The following RBFOX1 variants were observed in gnomAD, a reference collection of about 807,000 sequenced individuals.
RBFOX1 encodes the protein RNA binding protein fox-1 homolog 1.
A neutral mutation model predicts 57.7 loss-of-function variants in RBFOX1; 8 were observed. The observed-to-expected ratio is 0.14, with a 90% CI of 0.08 to 0.25. RBFOX1 has a LOEUF of 0.25. Among genes scored for constraint, RBFOX1 ranks in the 10% least tolerant of loss-of-function variants. The pLI, the probability that RBFOX1 is intolerant of heterozygous loss-of-function variation, is 1.00. For synonymous variants in RBFOX1, 326 were observed against 222.4 expected, an observed-to-expected ratio of 1.47 and a Z score of -4.15; for missense variants, 611 against 548.5, an observed-to-expected ratio of 1.11 and a Z score of -1.14.
intron 2 of RBFOX1, among the ~76,000 whole-genome samples, chr16:6,633,832 G>T (rs1602122387): frequency 6.6e-6 from 1 of 152,186 alleles, no homozygotes; most frequent in East Asian, 1.9e-4. Flanking sequence ...AACACGGAAA[G>T]ATGTATCTCT....
At chr16:5,614,702 C>G (rs1267609764) in intron 3 of RBFOX1, among the ~76,000 whole-genome samples, 1 of 152,194 alleles carries the variant, frequency 6.6e-6, no homozygotes, top group Non-Finnish European at 1.5e-5. Context: ...ATATCTTGTA[C>G]TAGCAGGAAG....
At chr16:5,406,953 A>G (rs2066884647) in intron 1 of RBFOX1, among the ~76,000 whole-genome samples, 1 of 152,148 alleles carries the variant, frequency 6.6e-6, no homozygotes, top group Non-Finnish European at 1.5e-5. Context: ...TTCCCTGAGG[A>G]AGTGACATTT....
intron 3 of RBFOX1, among the ~76,000 whole-genome samples, chr16:6,880,589 C>A (rs904678847): frequency 6.6e-6 from 1 of 152,058 alleles, no homozygotes; most frequent in Non-Finnish European, 1.5e-5. Context: ...GTTTTTCTTT[C>A]TGGACTGTCT....
At chr16:6,682,615 C>A (rs1480213971) in intron 3 of RBFOX1, among the ~76,000 whole-genome samples, 1 of 151,892 alleles carries the variant, frequency 6.6e-6, no homozygotes. Context: ...GGCCTCCAAC[C>A]GCCAGATGTC....
At chr16:7,583,829 C>A (rs8045073) in intron 6 of RBFOX1, among the ~76,000 whole-genome samples, 154 of 149,370 alleles carry the variant, frequency 1.0e-3, no homozygotes, top group African/African-American at 2.8e-3. Context: ...ACAATAAAAT[C>A]AAAAAAAACC....
At position 6,478,429 on chromosome 16, in the gene RBFOX1, A is replaced by ATTTTTTTTT. The variant is rs58352204; in HGVS notation, c.-64+161382_-64+161390dup. 3.5e-3 allele frequency among the ~76,000 whole-genome samples: 85 copies of ATTTTTTTTT among 24,586 alleles called. 6 individuals are homozygous for ATTTTTTTTT. The highest frequency in any genetic ancestry group is 5.7e-3 in the Non-Finnish European group (73 of 12,768). The allele number at this position is 24,586 out of a possible 152,430, so 16.1% of individuals were successfully genotyped here. On this transcript the variant is annotated intron_variant, in intron 2 of 15. Transcript: ENST00000550418. ...TATATATATATATATATATATATAT[A>ATTTTTTTTT]TTTTTTTTTTTTTTTTTTGTATTTT...
intron 3 of RBFOX1, among the ~76,000 whole-genome samples, chr16:6,735,989 C>T (rs1396092348): frequency 1.5e-4 from 3 of 19,494 alleles, no homozygotes; most frequent in Non-Finnish European, 1.1e-3. Flanking sequence ...TGGGCCTGCT[C>T]AAGGGTAATT....
At position 5,313,160 on chromosome 16, in the gene RBFOX1, C is replaced by T. The variant is rs57984189; in HGVS notation, c.219+73055C>T. Among the ~76,000 whole-genome samples the T allele has an allele frequency of 3.2e-3, 485 of 152,216 alleles. 21 individuals are homozygous for T. The East Asian group carries it at 0.07, about 22-fold the overall frequency. On this transcript the variant is annotated intron_variant, in intron 1 of 2. Transcript: ENST00000585867. Reference sequence around the variant, plus strand: ...CTTTAAAGATGGGAGAAGGAAAGCCCGGGCAGGGATGCTCATTACTCAAAG... The same window carrying T: ...CTTTAAAGATGGGAGAAGGAAAGCCTGGGCAGGGATGCTCATTACTCAAAG...
At chr16:5,337,637 A>T (rs1377037979) in intron 1 of RBFOX1, among the ~76,000 whole-genome samples, 1 of 152,198 alleles carries the variant, frequency 6.6e-6, no homozygotes, top group Non-Finnish European at 1.5e-5. Flanking sequence ...GTGATGTCTT[A>T]CCTCTAGGTA....
At chr16:6,825,844 A>G (rs571826302) in intron 3 of RBFOX1, among the ~76,000 whole-genome samples, 36 of 152,266 alleles carry the variant, frequency 2.4e-4, no homozygotes, top group African/African-American at 8.4e-4. Context: ...TTCCATCCGG[A>G]AGGAGGAATG....
chr16:5,449,405 C>G (rs57629981), intron 1 of RBFOX1, among the ~76,000 whole-genome samples: 36,383 of 152,112 alleles, frequency 0.24, 5,203 homozygotes, highest in African/African-American at 0.4. Flanking sequence ...GTAGCACAAA[C>G]CTCAGTTTCT....
intron 13 of RBFOX1, among the ~76,000 whole-genome samples, chr16:7,672,831 T>C (rs894129397): frequency 3.2e-4 from 34 of 107,668 alleles, no homozygotes; most frequent in African/African-American, 1.2e-3. Context: ...TGCGCCATTG[T>C]ACTCCAGCCT....
chr16:5,958,040 G>T (rs2059680265), intron 4 of RBFOX1, among the ~76,000 whole-genome samples: 1 of 151,934 alleles, frequency 6.6e-6, no homozygotes, highest in Non-Finnish European at 1.5e-5. Flanking sequence ...GTTGATTCTA[G>T]ATTTGATGGG....
intron 4 of RBFOX1, among the ~76,000 whole-genome samples, chr16:7,434,138 G>C (rs1049370348): frequency 1.2e-4 from 18 of 152,078 alleles, no homozygotes; most frequent in African/African-American, 4.3e-4. Context: ...TCATAAACCA[G>C]GTAAGAGCTT....
In RBFOX1 at chr16:6,566,272, C is replaced by G. The variant is rs139184233; in HGVS notation, c.-63-88331C>G. On this transcript the variant is annotated intron_variant, in intron 2 of 15. Coordinates refer to ENST00000550418, the MANE Select transcript of RBFOX1 (RefSeq NM_018723.4). ...GTGAGAAAAAGCCACAGGCCAGTCT[C>G]ACAGCATCATGGCGAACAGCTATGC... 3.3e-3 allele frequency among the ~76,000 whole-genome samples: 498 copies of G among 152,314 alleles called. 5 individuals are homozygous for G. Among genetic ancestry groups the G allele is most frequent in the African/African-American group, 0.012 (479 of 41,574 alleles).
chr16:6,976,063 G>A (rs555015007), intron 3 of RBFOX1, among the ~76,000 whole-genome samples: 2 of 152,118 alleles, frequency 1.3e-5, no homozygotes, highest in Non-Finnish European at 2.9e-5. Flanking sequence ...GTAGGTGGAG[G>A]TTTCAATGAG....
chr16:7,224,526 T>C (rs1342669178), intron 4 of RBFOX1, among the ~76,000 whole-genome samples: 1 of 152,210 alleles, frequency 6.6e-6, no homozygotes, highest in South Asian at 2.1e-4. Context: ...TCAGTGCCTC[T>C]GATTTAACTA....
At chr16:7,654,595 T>C (rs971494757) in intron 12 of RBFOX1, among the ~76,000 whole-genome samples, 1 of 152,084 alleles carries the variant, frequency 6.6e-6, no homozygotes, top group South Asian at 2.1e-4. Flanking sequence ...CAGACTTTGA[T>C]ATTGCCAGGC....
chr16:6,142,112 C>G (rs564679178), intron 1 of RBFOX1, among the ~76,000 whole-genome samples: 2 of 140,538 alleles, frequency 1.4e-5, no homozygotes, highest in African/African-American at 5.4e-5. Flanking sequence ...TGTCTTACTT[C>G]TCGATCCCTG....
Sources: allele counts gnomAD v4.1 joint callset (sites outside exome capture counted in the v4.1 genomes callset), GRCh38; gene constraint gnomAD v4.1.1; transcripts MANE v1.5; gene names NCBI Gene and HGNC (gene_info 2026-07-23, HGNC 2026-07-21).